TBC1D32: variants seen among roughly 807,000 people sequenced by gnomAD.
TBC1D32 encodes the protein protein broad-minded.
Under a neutral mutation model 170.3 loss-of-function variants are expected in TBC1D32, and 151 were observed. The ratio of observed to expected loss-of-function variants is 0.89; its 90% confidence interval spans 0.78 to 1.01. The LOEUF (loss-of-function observed/expected upper bound fraction) is 1.01, where lower values mean the gene tolerates loss of function less well. Ranked by LOEUF, TBC1D32 falls within the 50% of genes least tolerant of loss-of-function variation. The pLI, the probability that TBC1D32 is intolerant of heterozygous loss-of-function variation, is 0.00. For synonymous variants in TBC1D32, 498 were observed against 488.0 expected, an observed-to-expected ratio of 1.02 and a Z score of -0.27; for missense variants, 1,464 against 1,457.1, an observed-to-expected ratio of 1.00 and a Z score of -0.08.
At position 121,317,689 on chromosome 6, in the gene TBC1D32, G is replaced by A. The variant is rs1056146362; in HGVS notation, c.318-17C>T. On this transcript the variant is annotated splice_polypyrimidine_tract_variant and intron_variant, in intron 2 of 31. Coordinates refer to ENST00000398212, the MANE Select transcript of TBC1D32 (RefSeq NM_152730.6). Reference sequence around the variant, plus strand: ...TCTTTGTACCTTTAAATTCAAGGTAGTCTTAATAAGAGAAAGACGATCAGA... The same window carrying A: ...TCTTTGTACCTTTAAATTCAAGGTAATCTTAATAAGAGAAAGACGATCAGA... 3 of 1,517,324 alleles carry A rather than the reference G, an allele frequency of 2.0e-6. No homozygotes were observed. In the African/African-American group the frequency reaches 4.2e-5, roughly 21 times the overall value. The allele number at this position is 1,517,324 out of a possible 1,614,324, so 94.0% of individuals were successfully genotyped here.
At chr6:121,213,814 C>CAAAAA (rs2128316153) in intron 21 of TBC1D32, among the ~76,000 whole-genome samples, 1 of 151,998 alleles carries the variant, frequency 6.6e-6, no homozygotes, top group South Asian at 2.1e-4. Context: ...CATATGAAAC[C>CAAAAA]AAAAAAGAGC....
intron 24 of TBC1D32, among the ~76,000 whole-genome samples, chr6:121,147,844 G>C (rs142196827): frequency 6.6e-6 from 1 of 151,370 alleles, no homozygotes; most frequent in South Asian, 2.1e-4. Flanking sequence ...GGCCTGCCTC[G>C]GCCTCTCAAA....
intron 13 of TBC1D32, 71 bp downstream of exon 13, chr6:121,283,747 T>C: frequency 2.5e-6 from 3 of 1,211,794 alleles, no homozygotes; most frequent in Non-Finnish European, 2.4e-6. Flanking sequence ...ACTCAAAACA[T>C]CTAGACAATA....
intron 24 of TBC1D32, 39 bp from the exon 25 acceptor site, chr6:121,131,791 C>T: frequency 6.8e-7 from 1 of 1,470,164 alleles, no homozygotes; most frequent in Non-Finnish European, 9.3e-7. Flanking sequence ...ATAAGACATG[C>T]TAGATATACT....
chr6:121,101,072 C>A (rs549219823), intron 30 of TBC1D32, among the ~76,000 whole-genome samples: 1 of 151,876 alleles, frequency 6.6e-6, no homozygotes, highest in Non-Finnish European at 1.5e-5. Context: ...CAATAACGGG[C>A]TCTGAAATTG....
chr6:121,136,122 T>C (rs1311467814), intron 24 of TBC1D32, among the ~76,000 whole-genome samples: 3 of 152,084 alleles, frequency 2.0e-5, no homozygotes, highest in Non-Finnish European at 4.4e-5. Flanking sequence ...TCACAAAAGA[T>C]TGAAATTATC....
At chr6:121,218,130 C>G (rs1219965196) in intron 21 of TBC1D32, among the ~76,000 whole-genome samples, 1 of 152,098 alleles carries the variant, frequency 6.6e-6, no homozygotes, top group African/African-American at 2.4e-5. Flanking sequence ...GTAACTGAAG[C>G]CACTGAATTG....
chr6:121,170,320 A>G, intron 22 of TBC1D32: 2 of 1,311,852 alleles, frequency 1.5e-6, no homozygotes, highest in Non-Finnish European at 1.0e-6. Flanking sequence ...GAAAAACATT[A>G]AACAAGCTAT....
intron 1 of TBC1D32, among the ~76,000 whole-genome samples, chr6:121,323,004 GAA>G (rs72159293): frequency 6.6e-6 from 1 of 150,830 alleles, no homozygotes; most frequent in Non-Finnish European, 1.5e-5. Flanking sequence ...ATGAAAAGAA[GAA>G]AAAAAAAGTG....
At chr6:121,092,326 A>C (rs1185456844) in intron 30 of TBC1D32, among the ~76,000 whole-genome samples, 1 of 48,996 alleles carries the variant, frequency 2.0e-5, no homozygotes, top group African/African-American at 6.9e-5. Flanking sequence ...TTTTTTTTGG[A>C]GATGTGGGGA....
intron 22 of TBC1D32, among the ~76,000 whole-genome samples, chr6:121,173,692 T>C (rs1007939548): frequency 1.3e-5 from 2 of 151,900 alleles, no homozygotes; most frequent in African/African-American, 4.8e-5. Flanking sequence ...ACTGTCTACC[T>C]CCATATCAAG....
chr6:121,169,448 C>G (rs1786641414), intron 22 of TBC1D32, among the ~76,000 whole-genome samples: 1 of 152,120 alleles, frequency 6.6e-6, no homozygotes, highest in Non-Finnish European at 1.5e-5. Flanking sequence ...GCTAAATTCA[C>G]TTTTCATTTT....
intron 30 of TBC1D32, among the ~76,000 whole-genome samples, chr6:121,100,892 T>C (rs1040499361): frequency 6.6e-6 from 1 of 151,752 alleles, no homozygotes; most frequent in East Asian, 1.9e-4. Flanking sequence ...CAATAAAAAA[T>C]GATAAAGGGG....
chr6:121,115,818 A>T (rs1172214383), intron 26 of TBC1D32: 1 of 152,204 alleles, frequency 6.6e-6, no homozygotes, highest in Non-Finnish European at 1.5e-5. Context: ...ATAATGAATC[A>T]CTTTTCATTT....
At chr6:121,288,223 T>C (rs1317578433) in intron 12 of TBC1D32, among the ~76,000 whole-genome samples, 10 of 152,090 alleles carry the variant, frequency 6.6e-5, no homozygotes, top group Non-Finnish European at 1.5e-5. Flanking sequence ...AGCTGGTTTT[T>C]TGAAAAGATC....
intron 22 of TBC1D32, among the ~76,000 whole-genome samples, chr6:121,180,563 G>C (rs1045960121): frequency 6.6e-6 from 1 of 152,106 alleles, no homozygotes; most frequent in Non-Finnish European, 1.5e-5. Flanking sequence ...AATGAAACTA[G>C]ATCTTTCACC....
chr6:121,185,449 T>C (rs535766886), intron 22 of TBC1D32, among the ~76,000 whole-genome samples: 7 of 152,106 alleles, frequency 4.6e-5, no homozygotes, highest in Admixed American at 4.6e-4. Flanking sequence ...GAAAGTCATA[T>C]AATGCACAAT....
chr6:121,280,094 G>T (rs1279892299), intron 14 of TBC1D32, among the ~76,000 whole-genome samples: 1 of 151,778 alleles, frequency 6.6e-6, no homozygotes, highest in African/African-American at 2.4e-5. Context: ...ATACTGTTTA[G>T]CATGAATAGC....
upstream of TBC1D32, chr6:121,334,640 A>C (rs902269833): frequency 3.6e-5 from 22 of 604,220 alleles, no homozygotes; most frequent in African/African-American, 3.5e-4. Context: ...GGGGTCCGCG[A>C]GGTCTCGCCT....
Sources: allele counts gnomAD v4.1 joint callset (sites outside exome capture counted in the v4.1 genomes callset), GRCh38; gene constraint gnomAD v4.1.1; transcripts MANE v1.5; gene names NCBI Gene and HGNC (gene_info 2026-07-23, HGNC 2026-07-21).